Variants in DTNB observed in about 807,000 individuals in gnomAD.
The protein encoded by DTNB is dystrobrevin beta.
A neutral mutation model predicts 90.7 loss-of-function variants in DTNB; 63 were observed. The observed-to-expected ratio is 0.69, with a 90% CI of 0.57 to 0.86. DTNB has a LOEUF of 0.86. Among genes scored for constraint, DTNB ranks in the 40% least tolerant of loss-of-function variants. The probability of loss-of-function intolerance (pLI) is 0.00; values close to 1 mark genes in which losing one functional copy is unlikely to be tolerated. For synonymous variants in DTNB, 277 were observed against 286.7 expected, an observed-to-expected ratio of 0.97 and a Z score of 0.34; for missense variants, 744 against 807.1, an observed-to-expected ratio of 0.92 and a Z score of 0.95.
At chr2:25,647,972 C>T (rs936201007) in intron 2 of DTNB, among the ~76,000 whole-genome samples, 2 of 152,066 alleles carry the variant, frequency 1.3e-5, no homozygotes, top group African/African-American at 4.8e-5. Context: ...GGAAAATACA[C>T]AGCACAAATG....
At chr2:25,388,638 CAG>C (rs897774144) in intron 16 of DTNB, 5 of 379,386 alleles carry the variant, frequency 1.3e-5, no homozygotes, top group Non-Finnish European at 2.4e-5. Context: ...GTGGTGGAGA[CAG>C]AGTGAGCTGC....
chr2:25,437,037 T>C (rs1368800186), intron 12 of DTNB, among the ~76,000 whole-genome samples: 1 of 152,166 alleles, frequency 6.6e-6, no homozygotes, highest in Non-Finnish European at 1.5e-5. Context: ...CAGAGATTCC[T>C]AATCAGGTAA....
At chr2:25,466,469 C>G (rs1269040192) in intron 10 of DTNB, among the ~76,000 whole-genome samples, 1 of 152,196 alleles carries the variant, frequency 6.6e-6, no homozygotes, top group Admixed American at 6.5e-5. Context: ...CTCTGCCACA[C>G]CAAGCTTAAA....
At chr2:25,555,984 C>T (rs532885989) in intron 8 of DTNB, among the ~76,000 whole-genome samples, 4 of 152,142 alleles carry the variant, frequency 2.6e-5, no homozygotes, top group Non-Finnish European at 2.9e-5. Context: ...TGTGCCATTG[C>T]GCTCCAGCTT....
At chr2:25,511,319 G>A (rs1575238140) in intron 9 of DTNB, among the ~76,000 whole-genome samples, 1 of 152,046 alleles carries the variant, frequency 6.6e-6, no homozygotes, top group African/African-American at 2.4e-5. Flanking sequence ...CTAAATTCAC[G>A]TTGGTTCAAA....
At chr2:25,383,466 G>A (rs1192163992) in intron 19 of DTNB, among the ~76,000 whole-genome samples, 4 of 151,996 alleles carry the variant, frequency 2.6e-5, no homozygotes, top group African/African-American at 7.3e-5. Flanking sequence ...TGATCCACCC[G>A]CCTCAGCCTC....
At chr2:25,503,895 C>T (rs772583010) in intron 9 of DTNB, among the ~76,000 whole-genome samples, 81 of 150,398 alleles carry the variant, frequency 5.4e-4, no homozygotes, top group Non-Finnish European at 9.9e-4. Flanking sequence ...CCAGCCTGGG[C>T]GACACAGCAA....
intron 10 of DTNB, among the ~76,000 whole-genome samples, chr2:25,464,550 G>A (rs1016495566): frequency 1.4e-4 from 22 of 152,250 alleles, no homozygotes; most frequent in African/African-American, 5.1e-4. Flanking sequence ...TACAGAGGGT[G>A]TAGATACTTC....
At chr2:25,577,049 A>G (rs1431228749) in intron 7 of DTNB, 45 bp from the exon 8 acceptor site, 2 of 1,532,102 alleles carry the variant, frequency 1.3e-6, no homozygotes, top group South Asian at 1.2e-5. Flanking sequence ...GCAGGAGGGA[A>G]GGGATAGAAT....
intron 1 of DTNB, among the ~76,000 whole-genome samples, chr2:25,668,010 C>T (rs546615508): frequency 3.2e-4 from 49 of 152,262 alleles, no homozygotes; most frequent in African/African-American, 1.2e-3. Context: ...GAGGCCAAGG[C>T]AGGCGGATCA....
At chr2:25,661,769 T>TATATTGCCAATACAATAAA (rs2083220455) in intron 1 of DTNB, among the ~76,000 whole-genome samples, 1 of 152,152 alleles carries the variant, frequency 6.6e-6, no homozygotes, top group Non-Finnish European at 1.5e-5. Context: ...AAAATACCAT[T>TATATTGCCAATACAATAAA]TATATTGGCA....
chr2:25,516,212 G>A (rs1462930378), intron 9 of DTNB, among the ~76,000 whole-genome samples: 2 of 152,086 alleles, frequency 1.3e-5, no homozygotes, highest in Non-Finnish European at 2.9e-5. Context: ...GAACTCTTAA[G>A]TATTGCTGGT....
intron 6 of DTNB, among the ~76,000 whole-genome samples, chr2:25,591,125 G>A (rs1308903377): frequency 6.6e-6 from 1 of 152,206 alleles, no homozygotes. Context: ...GGTGTTGGGA[G>A]CAGGGAGACG....
At chr2:25,562,390 T>C (rs2058398686) in intron 8 of DTNB, among the ~76,000 whole-genome samples, 1 of 152,236 alleles carries the variant, frequency 6.6e-6, no homozygotes, top group Non-Finnish European at 1.5e-5. Context: ...GCCATGACCA[T>C]TCACATACAA....
intron 12 of DTNB, among the ~76,000 whole-genome samples, chr2:25,444,513 C>CAACA (rs767371858): frequency 1.3e-4 from 17 of 134,656 alleles, no homozygotes; most frequent in Non-Finnish European, 2.5e-4. Flanking sequence ...CCAGCCTGGG[C>CAACA]AACAGAGTGA....
intron 10 of DTNB, among the ~76,000 whole-genome samples, chr2:25,468,408 A>C (rs1444655552): frequency 6.6e-6 from 1 of 152,104 alleles, no homozygotes; most frequent in Non-Finnish European, 1.5e-5. Context: ...GCTTGTCTGA[A>C]CTGTCCATGT....
chr2:25,664,570 TAA>T (rs922416953), intron 1 of DTNB, among the ~76,000 whole-genome samples: 2 of 152,098 alleles, frequency 1.3e-5, no homozygotes, highest in Non-Finnish European at 2.9e-5. Flanking sequence ...ACAGATGAAG[TAA>T]AGTGTCAACC....
chr2:25,531,559 T>C lies in DTNB; in HGVS notation c.915A>G (p.Lys305=), dbSNP rs1332288633. The C allele has an allele frequency of 1.2e-6, 2 of 1,613,842 alleles. No individual in the cohort carries two copies. Among genetic ancestry groups the C allele is most frequent in the African/African-American group, 1.3e-5 (1 of 75,022 alleles). The change falls in exon 9 of 21, where the codon AAA becomes AAG. Residue 305 remains lysine, a synonymous_variant. Transcript: ENST00000406818. ...PAKKLSHAIS[K]SLGCVPTREP... is the part of the protein sequence containing the mutation. ...CTCTCGTGGGTACACACCCCAAAGA[T>C]TTACTAATTGCATGGCTCAGCTTCT...
At chr2:25,541,733 ATC>A (rs2081302945) in intron 8 of DTNB, among the ~76,000 whole-genome samples, 1 of 152,108 alleles carries the variant, frequency 6.6e-6, no homozygotes, top group Non-Finnish European at 1.5e-5. Context: ...GTGTACAAAC[ATC>A]TCTTTGAGAC....
Sources: allele counts gnomAD v4.1 joint callset (sites outside exome capture counted in the v4.1 genomes callset), GRCh38; gene constraint gnomAD v4.1.1; transcripts MANE v1.5; gene names NCBI Gene and HGNC (gene_info 2026-07-23, HGNC 2026-07-21).